MELK: variants seen among roughly 807,000 people sequenced by gnomAD.
MELK encodes the protein maternal embryonic leucine zipper kinase, also known as pEg3 kinase.
MELK carries 81 observed loss-of-function variants against 85.0 expected under a neutral mutation model. The observed-to-expected ratio is 0.95, with a 90% CI of 0.80 to 1.15. MELK has a LOEUF of 1.15. Among genes scored for constraint, MELK ranks in the 50% most tolerant of loss-of-function variants. MELK has a pLI of 0.00. For missense variants in MELK, 754 were observed against 777.5 expected, an observed-to-expected ratio of 0.97 and a Z score of 0.36; for synonymous variants, 252 against 265.0, an observed-to-expected ratio of 0.95 and a Z score of 0.48.
chr9:36,636,332 G>A (rs889306551), intron 10 of MELK, among the ~76,000 whole-genome samples: 4 of 151,728 alleles, frequency 2.6e-5, no homozygotes, highest in African/African-American at 4.8e-5. Context: ...GGAGAAACCC[G>A]TTTCTAGTAA....
chr9:36,608,993 CTCT>C (rs1221640418), intron 8 of MELK, among the ~76,000 whole-genome samples: 6 of 152,178 alleles, frequency 3.9e-5, no homozygotes, highest in Non-Finnish European at 1.5e-5. Context: ...TAAGAACCTC[CTCT>C]TTTCTTTTTT....
At chr9:36,657,776 G>A (rs1389068026) in intron 13 of MELK, among the ~76,000 whole-genome samples, 1 of 152,054 alleles carries the variant, frequency 6.6e-6, no homozygotes, top group East Asian at 1.9e-4. Flanking sequence ...GTAGAGACAG[G>A]GTTTCACCAT....
intron 10 of MELK, among the ~76,000 whole-genome samples, chr9:36,634,922 G>A (rs940673495): frequency 1.3e-5 from 2 of 152,066 alleles, no homozygotes; most frequent in South Asian, 2.1e-4. Flanking sequence ...GCTTGAACCC[G>A]GGAGGAGAGT....
At chr9:36,593,119 TA>T (rs1412357156) in intron 4 of MELK, among the ~76,000 whole-genome samples, 2 of 152,288 alleles carry the variant, frequency 1.3e-5, no homozygotes, top group East Asian at 3.9e-4. Context: ...TATCAATCTA[TA>T]GTCTTAATAA....
intron 8 of MELK, among the ~76,000 whole-genome samples, chr9:36,621,006 C>G (rs1034022288): frequency 4.6e-5 from 7 of 151,834 alleles, no homozygotes; most frequent in Non-Finnish European, 8.8e-5. Context: ...CGCAGTGGCT[C>G]ACGCCTGCAA....
chr9:36,595,395 C>G (rs1050803697), intron 5 of MELK, among the ~76,000 whole-genome samples: 2 of 152,050 alleles, frequency 1.3e-5, no homozygotes, highest in Non-Finnish European at 2.9e-5. Context: ...CTCGGCCTCC[C>G]AAATTGCTGG....
In MELK at chr9:36,636,786, G is replaced by GTCTT. The variant is rs1224635956; in HGVS notation, c.834+3589_834+3590insTTCT. 2.3e-3 allele frequency among the ~76,000 whole-genome samples: 116 copies of GTCTT among 50,712 alleles called. 1 individual carries two copies. Among genetic ancestry groups the GTCTT allele is most frequent in the African/African-American group, 5.4e-3 (109 of 20,310 alleles). The allele number at this position is 50,712 out of a possible 152,430, so 33.3% of individuals were successfully genotyped here. On this transcript the variant is annotated intron_variant, in intron 10 of 17. Coordinates refer to ENST00000298048, the MANE Select transcript of MELK (RefSeq NM_014791.4). The stretch of plus-strand genomic sequence containing the variant: ...TTTCTTTCTTTCTTTCTTTCTTTCT[G>GTCTT]TCTGTCTTTCTTTCTTTCTGTCTTT...
intron 11 of MELK, among the ~76,000 whole-genome samples, chr9:36,651,057 T>A (rs1198573352): frequency 6.6e-6 from 1 of 152,204 alleles, no homozygotes; most frequent in African/African-American, 2.4e-5. Context: ...CATGACCACA[T>A]TGGTTGTTAA....
At chr9:36,576,530 A>AT (rs1821663257) in intron 1 of MELK, among the ~76,000 whole-genome samples, 2 of 151,548 alleles carry the variant, frequency 1.3e-5, no homozygotes, top group Non-Finnish European at 2.9e-5. Flanking sequence ...CATTGACCAA[A>AT]TTTTTTTTGT....
At chr9:36,590,612 T>C in intron 4 of MELK, among the ~76,000 whole-genome samples, 1 of 152,190 alleles carries the variant, frequency 6.6e-6, no homozygotes, top group African/African-American at 2.4e-5. Context: ...TAGCTTCCAG[T>C]GTCTTTTATG....
chr9:36,614,652 C>G (rs1273400758), intron 8 of MELK, among the ~76,000 whole-genome samples: 42 of 113,606 alleles, frequency 3.7e-4, no homozygotes, highest in Non-Finnish European at 4.0e-4. Context: ...AACGAGCATG[C>G]TGCCTTCAAG....
intron 7 of MELK, among the ~76,000 whole-genome samples, chr9:36,601,202 T>C (rs1194197074): frequency 6.6e-6 from 1 of 152,222 alleles, no homozygotes; most frequent in Non-Finnish European, 1.5e-5. Context: ...ATGGTATTAA[T>C]TGTACCAATA....
intron 14 of MELK, among the ~76,000 whole-genome samples, chr9:36,667,927 C>G (rs925479226): frequency 5.9e-5 from 9 of 152,052 alleles, no homozygotes; most frequent in Non-Finnish European, 1.5e-5. Flanking sequence ...ACCACCATGC[C>G]CGGTTAATTT....
chr9:36,672,895 A>G (rs559229770), intron 16 of MELK, among the ~76,000 whole-genome samples: 16 of 152,350 alleles, frequency 1.1e-4, no homozygotes, highest in Admixed American at 3.3e-4. Flanking sequence ...TTAACTTTAG[A>G]TCATTAACAC....
intron 11 of MELK, among the ~76,000 whole-genome samples, chr9:36,647,930 G>C (rs954245419): frequency 5.9e-5 from 9 of 151,876 alleles, no homozygotes; most frequent in African/African-American, 2.2e-4. Context: ...TACTATGATC[G>C]TGGCCATCTA....
At chr9:36,621,286 A>G (rs1459468052) in intron 8 of MELK, among the ~76,000 whole-genome samples, 1 of 88,072 alleles carries the variant, frequency 1.1e-5, no homozygotes, top group African/African-American at 5.8e-5. Context: ...AAAAAAAAAA[A>G]AAAAAAAAAA....
At chr9:36,668,210 A>G (rs796716689) in intron 14 of MELK, among the ~76,000 whole-genome samples, 21 of 152,350 alleles carry the variant, frequency 1.4e-4, no homozygotes, top group African/African-American at 5.1e-4. Flanking sequence ...ACAAAGATGA[A>G]AACTGTTTTT....
intron 10 of MELK, among the ~76,000 whole-genome samples, chr9:36,637,920 A>G (rs1587523972): frequency 6.6e-6 from 1 of 152,330 alleles, no homozygotes; most frequent in Admixed American, 6.5e-5. Flanking sequence ...CAAATATAAC[A>G]TAATTCTAAC....
At chr9:36,675,821 C>G (rs1833295167) in intron 17 of MELK, among the ~76,000 whole-genome samples, 1 of 152,110 alleles carries the variant, frequency 6.6e-6, no homozygotes, top group Non-Finnish European at 1.5e-5. Flanking sequence ...ATTAAAGCAA[C>G]CAGAAGAGAC....
Sources: gnomAD v4.1 joint callset for allele counts (sites outside exome capture counted in the v4.1 genomes callset) on GRCh38, gnomAD v4.1.1 for gene constraint, MANE v1.5 for transcripts, NCBI Gene and HGNC (gene_info 2026-07-23, HGNC 2026-07-21) for gene names.